The following GRIP1 variants were observed in gnomAD, a reference collection of about 807,000 sequenced individuals.
GRIP1 encodes glutamate receptor interacting protein 1, also known as glutamate receptor-interacting protein 1.
A neutral mutation model predicts 129.9 loss-of-function variants in GRIP1; 45 were observed. That is an observed-to-expected ratio of 0.35 (90% CI 0.27 to 0.44). GRIP1 has a LOEUF of 0.44. Among genes scored for constraint, GRIP1 ranks in the 20% least tolerant of loss-of-function variants. GRIP1 has a pLI of 1.00. For synonymous variants in GRIP1, 530 were observed against 520.8 expected (o/e 1.02, Z -0.24); for missense variants, 1,196 against 1,396.8 (o/e 0.86, Z 2.29).
At chr12:66,679,095 A>G, upstream of GRIP1, 1 of 1,486,044 alleles carries the variant, frequency 6.7e-7, no homozygotes, top group Non-Finnish European at 8.9e-7. Flanking sequence ...TGTGTCATTC[A>G]CTACTACTAC....
At chr12:66,353,651 A>ACTACTATGCGTCAGGGACTGT in intron 23 of GRIP1, 88 bp from the exon 24 acceptor site, 1 of 1,142,342 alleles carries the variant, frequency 8.8e-7, no homozygotes, top group Non-Finnish European at 1.3e-6. Flanking sequence ...TTTCACACGA[A>ACTACTATGCGTCAGGGACTGT]TTTAGTCACA....
At chr12:66,497,747 C>T (rs976801908) in intron 7 of GRIP1, among the ~76,000 whole-genome samples, 1 of 152,154 alleles carries the variant, frequency 6.6e-6, no homozygotes, top group African/African-American at 2.4e-5. Context: ...GAGGAGCAGG[C>T]TGACTGGAGA....
chr12:66,633,564 T>C (rs980460892), intron 1 of GRIP1, among the ~76,000 whole-genome samples: 9 of 152,080 alleles, frequency 5.9e-5, no homozygotes, highest in Admixed American at 5.9e-4. Context: ...AACTTTTGAG[T>C]ACCTGAAGAT....
At chr12:67,025,712 G>GCC (rs1474286297) in intron 1 of GRIP1, among the ~76,000 whole-genome samples, 42 of 152,172 alleles carry the variant, frequency 2.8e-4, no homozygotes, top group African/African-American at 8.4e-4. Context: ...TGGTATCTTG[G>GCC]GTCATGACGG....
chr12:66,676,704 G>A (rs1472842291), intron 1 of GRIP1, among the ~76,000 whole-genome samples: 1 of 152,184 alleles, frequency 6.6e-6, no homozygotes, highest in Admixed American at 6.5e-5. Flanking sequence ...AGTTGTGTGA[G>A]TAGGGAGAAT....
chr12:66,785,666 C>T (rs978181866), intron 1 of GRIP1, among the ~76,000 whole-genome samples: 14 of 151,990 alleles, frequency 9.2e-5, no homozygotes, highest in African/African-American at 3.4e-4. Context: ...GCCTGAAATT[C>T]CATCATTTAG....
At chr12:66,695,109 C>A (rs1292152187) in intron 1 of GRIP1, among the ~76,000 whole-genome samples, 1 of 152,198 alleles carries the variant, frequency 6.6e-6, no homozygotes, top group African/African-American at 2.4e-5. Context: ...GCTGCCAGTG[C>A]AGTACGATGT....
intron 1 of GRIP1, among the ~76,000 whole-genome samples, chr12:66,671,605 G>T (rs1319460360): frequency 6.6e-6 from 1 of 151,960 alleles, no homozygotes; most frequent in African/African-American, 2.4e-5. Context: ...CTTATAATCT[G>T]GTTTGGACAT....
chr12:66,647,060 C>T (rs557133023), intron 1 of GRIP1, among the ~76,000 whole-genome samples: 13 of 152,338 alleles, frequency 8.5e-5, no homozygotes, highest in Non-Finnish European at 1.8e-4. Flanking sequence ...AGGGAAGCAA[C>T]AGCCAGGCTG....
intron 1 of GRIP1, among the ~76,000 whole-genome samples, chr12:66,819,742 C>T (rs533880847): frequency 8.5e-5 from 13 of 152,284 alleles, no homozygotes; most frequent in African/African-American, 3.1e-4. Flanking sequence ...ATCCTAATAA[C>T]AAGTGAAAGG....
chr12:66,841,068 T>C (rs1325948691), intron 1 of GRIP1, among the ~76,000 whole-genome samples: 3 of 152,236 alleles, frequency 2.0e-5, no homozygotes, highest in African/African-American at 7.2e-5. Context: ...TTGTTTTTTC[T>C]GAAATTCAAA....
chr12:66,816,381 G>A (rs551250815), intron 1 of GRIP1, among the ~76,000 whole-genome samples: 1 of 152,270 alleles, frequency 6.6e-6, no homozygotes, highest in South Asian at 2.1e-4. Flanking sequence ...CTGGTACCTT[G>A]CATAGAGCTT....
At chr12:66,811,876 C>T (rs577076231) in intron 1 of GRIP1, among the ~76,000 whole-genome samples, 1 of 152,106 alleles carries the variant, frequency 6.6e-6, no homozygotes, top group Non-Finnish European at 1.5e-5. Flanking sequence ...CACTTCTAAG[C>T]TGTCATAAAT....
At chr12:67,006,503 C>G (rs191485051) in intron 1 of GRIP1, among the ~76,000 whole-genome samples, 126 of 152,144 alleles carry the variant, frequency 8.3e-4, no homozygotes, top group African/African-American at 2.9e-3. Flanking sequence ...TGAGAGATCG[C>G]TGAAATCTGG....
chr12:66,903,286 GT>G (rs1219112447), intron 1 of GRIP1, among the ~76,000 whole-genome samples: 1 of 147,428 alleles, frequency 6.8e-6, no homozygotes, highest in Non-Finnish European at 1.5e-5. Flanking sequence ...GAGTGTAAAC[GT>G]GCTGCAGTAT....
intron 1 of GRIP1, among the ~76,000 whole-genome samples, chr12:66,674,271 A>G (rs1012507756): frequency 3.3e-4 from 50 of 152,332 alleles, no homozygotes; most frequent in South Asian, 4.1e-4. Flanking sequence ...AGACACAGAC[A>G]GATGGGAAAG....
intron 5 of GRIP1, among the ~76,000 whole-genome samples, chr12:66,527,997 A>C (rs35912619): frequency 0.27 from 41,479 of 152,020 alleles, 5,850 homozygotes; most frequent in Middle Eastern, 0.33. Context: ...AAAATCCCTG[A>C]TGTTTATATA....
chr12:66,641,506 C>T (rs1027661567), intron 1 of GRIP1, among the ~76,000 whole-genome samples: 3 of 152,202 alleles, frequency 2.0e-5, no homozygotes, highest in Non-Finnish European at 2.9e-5. Context: ...ACACCTGCTT[C>T]ACATATCCTC....
At chr12:67,040,176 A>G (rs1306171428) in intron 1 of GRIP1, among the ~76,000 whole-genome samples, 2 of 151,960 alleles carry the variant, frequency 1.3e-5, no homozygotes, top group African/African-American at 2.4e-5. Context: ...CAGAGTAGAG[A>G]GATAATCATA....
Sources: gnomAD v4.1 joint callset for allele counts (sites outside exome capture counted in the v4.1 genomes callset) on GRCh38, gnomAD v4.1.1 for gene constraint, MANE v1.5 for transcripts, NCBI Gene and HGNC (gene_info 2026-07-23, HGNC 2026-07-21) for gene names.